IMMP2L: variants seen among roughly 807,000 people sequenced by gnomAD.
IMMP2L encodes inner mitochondrial membrane peptidase subunit 2.
IMMP2L carries 18 observed loss-of-function variants against 19.3 expected under a neutral mutation model. That is an observed-to-expected ratio of 0.93 (90% CI 0.64 to 1.38). The LOEUF (loss-of-function observed/expected upper bound fraction) is 1.38, where lower values mean the gene tolerates loss of function less well. IMMP2L is among the 40% of genes most tolerant of loss of function. IMMP2L has a pLI of 0.00. For synonymous variants in IMMP2L, 76 were observed against 73.0 expected, an observed-to-expected ratio of 1.04 and a Z score of -0.21; for missense variants, 233 against 218.2, an observed-to-expected ratio of 1.07 and a Z score of -0.43.
At chr7:111,414,979 C>T (rs1234430204) in intron 3 of IMMP2L, among the ~76,000 whole-genome samples, 2 of 151,628 alleles carry the variant, frequency 1.3e-5, no homozygotes, top group African/African-American at 4.9e-5. Flanking sequence ...GTTTTCACTC[C>T]CAGTATGATG....
intron 3 of IMMP2L, among the ~76,000 whole-genome samples, chr7:111,093,105 T>C (rs980362701): frequency 2.6e-5 from 4 of 152,196 alleles, no homozygotes; most frequent in Non-Finnish European, 5.9e-5. Context: ...CCAGTGACCT[T>C]TGTAAATGAT....
intron 5 of IMMP2L, among the ~76,000 whole-genome samples, chr7:110,704,942 C>A (rs150310580): frequency 1.3e-5 from 2 of 152,148 alleles, no homozygotes; most frequent in East Asian, 3.9e-4. Flanking sequence ...TTTTCTTAGA[C>A]CAGATGAAAT....
intron 3 of IMMP2L, among the ~76,000 whole-genome samples, chr7:111,146,036 T>C (rs929169226): frequency 4.6e-5 from 7 of 152,032 alleles, no homozygotes; most frequent in African/African-American, 1.7e-4. Flanking sequence ...CTAAATTTTG[T>C]CTGAAGGTTA....
At chr7:110,688,808 G>C (rs1012755761) in intron 5 of IMMP2L, among the ~76,000 whole-genome samples, 1 of 151,986 alleles carries the variant, frequency 6.6e-6, no homozygotes, top group Non-Finnish European at 1.5e-5. Flanking sequence ...GCTTTTAAAA[G>C]GATATGTATT....
chr7:110,896,974 C>T (rs576234052), intron 4 of IMMP2L, among the ~76,000 whole-genome samples: 16 of 152,098 alleles, frequency 1.1e-4, no homozygotes, highest in African/African-American at 3.9e-4. Flanking sequence ...CACCATGCCT[C>T]AATTTTATTT....
At chr7:111,236,211 A>C (rs1336897425) in intron 3 of IMMP2L, among the ~76,000 whole-genome samples, 1 of 151,918 alleles carries the variant, frequency 6.6e-6, no homozygotes, top group Non-Finnish European at 1.5e-5. Context: ...CTTTGCATTA[A>C]AAGTAATATT....
At chr7:110,938,239 T>C (rs996817291) in intron 4 of IMMP2L, among the ~76,000 whole-genome samples, 8 of 152,286 alleles carry the variant, frequency 5.3e-5, no homozygotes, top group African/African-American at 1.7e-4. Context: ...TACTAATCTG[T>C]GTTCAGCATT....
At chr7:110,724,391 A>G (rs953002827) in intron 5 of IMMP2L, 3 of 152,188 alleles carry the variant, frequency 2.0e-5, no homozygotes, top group African/African-American at 7.2e-5. Context: ...CTTAACTTCC[A>G]AACTGGGTAT....
At chr7:110,984,442 A>G (rs1401796026) in intron 3 of IMMP2L, among the ~76,000 whole-genome samples, 1 of 152,086 alleles carries the variant, frequency 6.6e-6, no homozygotes, top group East Asian at 1.9e-4. Context: ...TTCAGTCTCA[A>G]AACACTAGAA....
rs905213539 is a variant in IMMP2L, at chr7:110,984,118, G to A, written c.240-20553C>T. ...TGATTTAATCTCTTACTGTTTAACG[G>A]AGAACATGTAAATGCAGACACATGG... On this transcript the variant is annotated intron_variant, in intron 3 of 5. Coordinates refer to ENST00000405709, the MANE Select transcript of IMMP2L (RefSeq NM_032549.4). Among the ~76,000 whole-genome samples the A allele has an allele frequency of 3.3e-5, 5 of 152,070 alleles. No individual in the cohort carries two copies. In the East Asian group the frequency reaches 9.7e-4, roughly 29 times the overall value.
At position 111,191,742 on chromosome 7, in the gene IMMP2L, G is replaced by A. The variant is rs183648051; in HGVS notation, c.240-228177C>T. 5.2e-4 allele frequency among the ~76,000 whole-genome samples: 79 copies of A among 152,102 alleles called. No homozygotes were observed. In the Middle Eastern group the frequency reaches 0.017, roughly 33 times the overall value. On this transcript the variant is annotated intron_variant, in intron 3 of 5. Transcript: ENST00000405709. ...AACAGAAGTTGATCTACTCTGAGCT[G>A]AACAAGAAAACATTTTTTTAAAGGG...
At chr7:111,547,065 G>A (rs1466634113) in intron 1 of IMMP2L, among the ~76,000 whole-genome samples, 1 of 152,098 alleles carries the variant, frequency 6.6e-6, no homozygotes, top group East Asian at 1.9e-4. Context: ...TAATCTAAGG[G>A]CAACTAGAAG....
At chr7:111,232,076 GA>G (rs1813776215) in intron 3 of IMMP2L, among the ~76,000 whole-genome samples, 1 of 151,854 alleles carries the variant, frequency 6.6e-6, no homozygotes, top group Non-Finnish European at 1.5e-5. Context: ...ATGTGTACTA[GA>G]TTAATAAATA....
chr7:111,424,857 G>C (rs924247607), intron 3 of IMMP2L, among the ~76,000 whole-genome samples: 1 of 151,746 alleles, frequency 6.6e-6, no homozygotes, highest in Admixed American at 6.6e-5. Context: ...TCACAGAATT[G>C]TATCACATTT....
intron 4 of IMMP2L, among the ~76,000 whole-genome samples, chr7:110,892,191 G>C (rs762357131): frequency 9.2e-5 from 14 of 152,046 alleles, no homozygotes; most frequent in Non-Finnish European, 2.1e-4. Context: ...AGAAGAAAAT[G>C]GTTACCTCTG....
intron 5 of IMMP2L, among the ~76,000 whole-genome samples, chr7:110,714,921 T>C (rs1339547519): frequency 6.6e-6 from 1 of 152,118 alleles, no homozygotes; most frequent in Non-Finnish European, 1.5e-5. Context: ...ATTGGCCAAT[T>C]TTTTGTTACT....
At chr7:110,853,109 T>TAC (rs139532487) in intron 5 of IMMP2L, among the ~76,000 whole-genome samples, 4 of 151,702 alleles carry the variant, frequency 2.6e-5, no homozygotes, top group African/African-American at 7.3e-5. Context: ...TACATTTGCA[T>TAC]ACACACACAC....
At chr7:110,868,804 C>T (rs1255224134) in intron 5 of IMMP2L, among the ~76,000 whole-genome samples, 1 of 151,956 alleles carries the variant, frequency 6.6e-6, no homozygotes, top group Non-Finnish European at 1.5e-5. Context: ...ACTAGCCTGT[C>T]TCCATTATTC....
intron 3 of IMMP2L, chr7:111,395,002 A>C (rs1164719291): frequency 7.1e-5 from 17 of 240,496 alleles, no homozygotes; most frequent in Non-Finnish European, 6.4e-5. Flanking sequence ...GGAGCTGTGC[A>C]TTATGTGTGC....
Sources: gnomAD v4.1 joint callset for allele counts (sites outside exome capture counted in the v4.1 genomes callset) on GRCh38, gnomAD v4.1.1 for gene constraint, MANE v1.5 for transcripts, NCBI Gene and HGNC (gene_info 2026-07-23, HGNC 2026-07-21) for gene names.